AGBL4: variants seen among roughly 807,000 people sequenced by gnomAD.
AGBL4 encodes cytosolic carboxypeptidase 6.
Under a neutral mutation model 66.4 loss-of-function variants are expected in AGBL4, and 58 were observed. That is an observed-to-expected ratio of 0.87 (90% CI 0.71 to 1.09). AGBL4 has a LOEUF of 1.09. Among genes scored for constraint, AGBL4 ranks in the 50% least tolerant of loss-of-function variants. AGBL4 has a pLI of 0.00. For synonymous variants in AGBL4, 234 were observed against 222.9 expected (o/e 1.05, Z -0.44); for missense variants, 579 against 631.0 (o/e 0.92, Z 0.88).
intron 4 of AGBL4, among the ~76,000 whole-genome samples, chr1:49,094,799 C>T (rs1303142752): frequency 1.3e-5 from 2 of 152,104 alleles, no homozygotes; most frequent in African/African-American, 2.4e-5. Context: ...ACCTCTCTTA[C>T]CACTCCTATT....
chr1:49,562,379 T>C (rs1445507647), intron 3 of AGBL4, among the ~76,000 whole-genome samples: 1 of 152,194 alleles, frequency 6.6e-6, no homozygotes, highest in Non-Finnish European at 1.5e-5. Flanking sequence ...ATGAAGTCCT[T>C]GCCCATGCCT....
intron 10 of AGBL4, among the ~76,000 whole-genome samples, chr1:48,587,483 C>G (rs770680335): frequency 3.3e-5 from 5 of 151,622 alleles, no homozygotes; most frequent in African/African-American, 9.7e-5. Flanking sequence ...ACATTTGGAG[C>G]CTGGCATGGT....
intron 6 of AGBL4, among the ~76,000 whole-genome samples, chr1:48,737,648 C>A (rs973306304): frequency 1.6e-4 from 25 of 152,172 alleles, no homozygotes; most frequent in Admixed American, 1.1e-3. Flanking sequence ...AGTTTCAGTG[C>A]AGAGCCAATA....
chr1:49,693,494 T>G (rs1370615122), intron 3 of AGBL4, among the ~76,000 whole-genome samples: 1 of 152,132 alleles, frequency 6.6e-6, no homozygotes, highest in African/African-American at 2.4e-5. Context: ...AAAATGTATA[T>G]ACAGTACAAA....
rs12033636 is a variant in AGBL4 at position 49,558,044 on chromosome 1, C to T, written c.282+139269G>A. Among the ~76,000 whole-genome samples, 1,209 of 151,968 alleles carry T rather than the reference C, an allele frequency of 8.0e-3. 11 individuals carry two copies. The highest frequency in any genetic ancestry group is 0.031 in the Middle Eastern group (9 of 294). On this transcript the variant is annotated intron_variant, in intron 3 of 13. Transcript: ENST00000371839. Reference sequence around the variant, plus strand: ...AGACCCTGGGCCCAAAGAGAACCTTCTACCTTAAAGGGAAAAACCCAGTCC... The same window carrying T: ...AGACCCTGGGCCCAAAGAGAACCTTTTACCTTAAAGGGAAAAACCCAGTCC...
intron 1 of AGBL4, among the ~76,000 whole-genome samples, chr1:49,914,891 G>C (rs550207024): frequency 2.0e-5 from 3 of 152,020 alleles, no homozygotes; most frequent in Non-Finnish European, 4.4e-5. Context: ...GAGAGAAAAG[G>C]GGGGCTGAAC....
intron 3 of AGBL4, among the ~76,000 whole-genome samples, chr1:49,667,508 T>C (rs561631684): frequency 3.3e-5 from 5 of 151,578 alleles, no homozygotes; most frequent in African/African-American, 1.2e-4. Context: ...TATTTGAAAA[T>C]AGAAGGAAAA....
At chr1:49,400,222 T>C (rs1489799241) in intron 3 of AGBL4, among the ~76,000 whole-genome samples, 1 of 152,214 alleles carries the variant, frequency 6.6e-6, no homozygotes, top group Non-Finnish European at 1.5e-5. Context: ...GGTTCTCTAT[T>C]ATGTTCCACT....
At chr1:49,568,203 C>A (rs192835018) in intron 3 of AGBL4, among the ~76,000 whole-genome samples, 1 of 152,210 alleles carries the variant, frequency 6.6e-6, no homozygotes, top group African/African-American at 2.4e-5. Flanking sequence ...GTCAAACTAT[C>A]CCTGTCTCCA....
At chr1:48,716,674 C>T (rs932998224) in intron 6 of AGBL4, among the ~76,000 whole-genome samples, 5 of 152,152 alleles carry the variant, frequency 3.3e-5, no homozygotes, top group African/African-American at 1.2e-4. Flanking sequence ...GGGTGGGAAC[C>T]TGGGATAAGT....
At chr1:49,832,224 C>A in intron 2 of AGBL4, among the ~76,000 whole-genome samples, 1 of 151,232 alleles carries the variant, frequency 6.6e-6, no homozygotes, top group Non-Finnish European at 1.5e-5. Context: ...TCAATTCCCA[C>A]CTATGAGTGA....
At chr1:49,465,117 C>A (rs528601432) in intron 3 of AGBL4, among the ~76,000 whole-genome samples, 2 of 151,086 alleles carry the variant, frequency 1.3e-5, no homozygotes, top group Non-Finnish European at 3.0e-5. Context: ...CACTGTGGAG[C>A]TATTTTGAGA....
At chr1:49,625,026 C>T (rs1481282778) in intron 3 of AGBL4, among the ~76,000 whole-genome samples, 1 of 152,038 alleles carries the variant, frequency 6.6e-6, no homozygotes, top group Non-Finnish European at 1.5e-5. Flanking sequence ...AGGAGGGTCT[C>T]ATAAATTTTC....
At chr1:49,401,263 T>TG (rs1473027946) in intron 3 of AGBL4, among the ~76,000 whole-genome samples, 1 of 152,146 alleles carries the variant, frequency 6.6e-6, no homozygotes, top group Non-Finnish European at 1.5e-5. Flanking sequence ...TATCAGATCT[T>TG]GTGAGAACTC....
intron 11 of AGBL4, among the ~76,000 whole-genome samples, chr1:48,555,978 G>A (rs1362098713): frequency 6.6e-6 from 1 of 152,102 alleles, no homozygotes; most frequent in Non-Finnish European, 1.5e-5. Flanking sequence ...CTCCTAGAAG[G>A]CAGGGAGCTC....
intron 3 of AGBL4, among the ~76,000 whole-genome samples, chr1:49,442,132 T>C (rs1457380050): frequency 6.6e-6 from 1 of 152,078 alleles, no homozygotes; most frequent in African/African-American, 2.4e-5. Flanking sequence ...GTTTAATTCA[T>C]AAATCCTGAA....
chr1:49,002,330 C>T (rs932889838), intron 5 of AGBL4, among the ~76,000 whole-genome samples: 2 of 152,208 alleles, frequency 1.3e-5, no homozygotes, highest in African/African-American at 2.4e-5. Context: ...TTTCTGTGCC[C>T]CTTTCTGTAG....
chr1:49,257,912 C>A (rs1652696494), intron 3 of AGBL4, among the ~76,000 whole-genome samples: 1 of 152,158 alleles, frequency 6.6e-6, no homozygotes, highest in Non-Finnish European at 1.5e-5. Flanking sequence ...GAGGCACCCC[C>A]CAGTAGGGGC....
intron 2 of AGBL4, among the ~76,000 whole-genome samples, chr1:49,729,547 AC>A (rs528778968): frequency 2.0e-5 from 3 of 152,024 alleles, no homozygotes; most frequent in Admixed American, 6.6e-5. Context: ...ATTGAGATTA[AC>A]CCCCCCAAAA....
Sources: allele counts gnomAD v4.1 joint callset (sites outside exome capture counted in the v4.1 genomes callset), GRCh38; gene constraint gnomAD v4.1.1; transcripts MANE v1.5; gene names NCBI Gene and HGNC (gene_info 2026-07-23, HGNC 2026-07-21).